Variants in VAX2 observed in about 807,000 individuals in gnomAD.
The protein encoded by VAX2 is ventral anterior homeobox 2.
Under a neutral mutation model 12.5 loss-of-function variants are expected in VAX2, and 8 were observed. That is an observed-to-expected ratio of 0.64 (90% CI 0.37 to 1.15). VAX2 has a LOEUF of 1.15. Among genes scored for constraint, VAX2 ranks in the 50% most tolerant of loss-of-function variants. VAX2 has a pLI of 0.01. For synonymous variants in VAX2, 183 were observed against 187.6 expected (o/e 0.98, Z 0.20); for missense variants, 476 against 412.9 (o/e 1.15, Z -1.32).
chr2:70,904,063 T>C lies in VAX2; in HGVS notation c.247+3195T>C, dbSNP rs1156534761. ...TGGGCACGGACCAGAGCTGCTGAGA[T>C]GATAGGCCGGGCGCATAACAGGCAC... is the stretch of plus-strand genomic sequence containing the variant. On this transcript the variant is annotated intron_variant, in intron 1 of 2. Transcript: ENST00000234392. This position sits in a 1 kb window ranked among gnomAD's most constrained non-coding sequence, Gnocchi z 4.2. 2.0e-5 allele frequency among the ~76,000 whole-genome samples: 3 copies of C among 152,194 alleles called. No homozygotes were observed. Among genetic ancestry groups the C allele is most frequent in the Admixed American group, 2.0e-4 (3 of 15,282 alleles).
chr2:70,930,172 C>A (rs1679662503), intron 2 of VAX2, among the ~76,000 whole-genome samples: 1 of 152,136 alleles, frequency 6.6e-6, no homozygotes, highest in Non-Finnish European at 1.5e-5. Flanking sequence ...TACTGCAGCC[C>A]AGGCAGAAAA....
chr2:70,920,201 G>A (rs914447098), intron 1 of VAX2, among the ~76,000 whole-genome samples: 8 of 152,214 alleles, frequency 5.3e-5, no homozygotes, highest in African/African-American at 1.4e-4. Context: ...ATGTGATGCT[G>A]CATATTTCCA....
chr2:70,916,754 C>T (rs1255958336), intron 1 of VAX2, among the ~76,000 whole-genome samples: 1 of 152,114 alleles, frequency 6.6e-6, no homozygotes, highest in Non-Finnish European at 1.5e-5. Flanking sequence ...GTTTGTTTAA[C>T]CATTCACCCA....
At chr2:70,917,744 G>A (rs1230360496) in intron 1 of VAX2, among the ~76,000 whole-genome samples, 2 of 56,476 alleles carry the variant, frequency 3.5e-5, no homozygotes, top group African/African-American at 3.2e-4. Flanking sequence ...TCCCTGAGGT[G>A]GCAATCCCCC....
intron 1 of VAX2, among the ~76,000 whole-genome samples, chr2:70,908,814 G>A (rs1436159411): frequency 6.6e-6 from 1 of 152,194 alleles, no homozygotes; most frequent in East Asian, 1.9e-4. Context: ...TCCAAAATTT[G>A]CCAGCACAGT....
chr2:70,921,860 T>C (rs1172994770), intron 2 of VAX2, among the ~76,000 whole-genome samples: 4 of 152,134 alleles, frequency 2.6e-5, no homozygotes, highest in African/African-American at 9.7e-5. Flanking sequence ...AAAAAAACTT[T>C]TGTAAATTAA....
At chr2:70,912,307 T>C (rs1553411322) in intron 1 of VAX2, among the ~76,000 whole-genome samples, 1 of 152,224 alleles carries the variant, frequency 6.6e-6, no homozygotes, top group Non-Finnish European at 1.5e-5. Context: ...ATAAGGAATT[T>C]TTATAGCAAT....
At position 70,917,660 on chromosome 2, in the gene VAX2, G is replaced by A. The variant is rs781863738; in HGVS notation, c.248-3438G>A. Among the ~76,000 whole-genome samples the A allele has an allele frequency of 9.2e-5, 14 of 152,270 alleles. No individual in the cohort carries two copies. In the South Asian group the frequency reaches 1.7e-3, roughly 18 times the overall value. On this transcript the variant is annotated intron_variant, in intron 1 of 2. Transcript: ENST00000234392. Reference sequence around the variant, plus strand: ...TGTATGGCATGTTTTAATATTTGGTGGCAAGTCTGAGGTTGCCTTTCTCGT... The same window carrying A: ...TGTATGGCATGTTTTAATATTTGGTAGCAAGTCTGAGGTTGCCTTTCTCGT...
intron 2 of VAX2, among the ~76,000 whole-genome samples, chr2:70,930,272 T>C (rs531122304): frequency 6.6e-6 from 1 of 152,230 alleles, no homozygotes; most frequent in East Asian, 1.9e-4. Flanking sequence ...TTAAATCTCA[T>C]CTTCTCCTGA....
In VAX2 at chr2:70,904,815, TG is replaced by T. The variant is rs1444803573; in HGVS notation, c.247+3950del. ...TGGGCGATTCCCGCCGTGGGACGGG[TG>T]GGATTGACCTTAGTGGAGTCCAGTC... is the stretch of plus-strand genomic sequence containing the variant. On this transcript the variant is annotated intron_variant, in intron 1 of 2. Coordinates refer to ENST00000234392, the MANE Select transcript of VAX2 (RefSeq NM_012476.3). This position sits in a 1 kb window ranked among gnomAD's most constrained non-coding sequence, Gnocchi z 4.2. 1.3e-5 allele frequency among the ~76,000 whole-genome samples: 2 copies of T among 152,138 alleles called. No homozygotes were observed. The highest frequency in any genetic ancestry group is 4.8e-5 in the African/African-American group (2 of 41,430).
intron 1 of VAX2, among the ~76,000 whole-genome samples, chr2:70,916,642 C>T (rs1431508009): frequency 1.3e-5 from 2 of 152,142 alleles, no homozygotes; most frequent in Non-Finnish European, 2.9e-5. Flanking sequence ...CTTTTGGGAA[C>T]TGTTTTTTCC....
chr2:70,911,126 C>T (rs554573042), intron 1 of VAX2, among the ~76,000 whole-genome samples: 4 of 152,210 alleles, frequency 2.6e-5, no homozygotes, highest in East Asian at 3.9e-4. Flanking sequence ...GAGTGAGGTG[C>T]TTCTTTTGCC....
chr2:70,912,801 C>A (rs1297107088), intron 1 of VAX2, among the ~76,000 whole-genome samples: 2 of 152,114 alleles, frequency 1.3e-5, no homozygotes, highest in Non-Finnish European at 2.9e-5. Flanking sequence ...AGGTCAGAAG[C>A]ATAAGCTAAC....
chr2:70,913,175 C>T (rs77040343), intron 1 of VAX2, among the ~76,000 whole-genome samples: 1,995 of 152,298 alleles, frequency 0.013, 50 homozygotes, highest in African/African-American at 0.046. Flanking sequence ...AGGGGCTCAT[C>T]CTGATACTCA....
chr2:70,921,589 G>C (rs562347342), intron 2 of VAX2, among the ~76,000 whole-genome samples: 38 of 152,192 alleles, frequency 2.5e-4, no homozygotes, highest in Non-Finnish European at 3.5e-4. Context: ...GAGTGGCTTG[G>C]GGGGGTGTTG....
chr2:70,916,020 A>G (rs1478018059), intron 1 of VAX2, among the ~76,000 whole-genome samples: 2 of 152,206 alleles, frequency 1.3e-5, no homozygotes, highest in Admixed American at 6.5e-5. Flanking sequence ...TCTAGTAAAC[A>G]TTAAAATAAA....
chr2:70,931,154 G>T (rs1172617376), intron 2 of VAX2, among the ~76,000 whole-genome samples: 3 of 152,214 alleles, frequency 2.0e-5, no homozygotes, highest in Admixed American at 2.0e-4. Flanking sequence ...TCAGCTTCCT[G>T]CCCAGTTCCC....
At chr2:70,917,296 T>C (rs1259616096) in intron 1 of VAX2, among the ~76,000 whole-genome samples, 1 of 150,934 alleles carries the variant, frequency 6.6e-6, no homozygotes, top group Admixed American at 6.6e-5. Flanking sequence ...CACTCCAGCC[T>C]GGGGGATAGA....
chr2:70,916,260 T>C (rs1048818232), intron 1 of VAX2, among the ~76,000 whole-genome samples: 1 of 152,258 alleles, frequency 6.6e-6, no homozygotes. Flanking sequence ...GTCCCATGTA[T>C]CCATCACCTA....
Sources: allele counts gnomAD v4.1 joint callset (sites outside exome capture counted in the v4.1 genomes callset), GRCh38; gene constraint gnomAD v4.1.1; non-coding constraint Gnocchi (gnomAD v3.1); transcripts MANE v1.5; gene names NCBI Gene and HGNC (gene_info 2026-07-23, HGNC 2026-07-21).